STEAP1B: variants seen among roughly 807,000 people sequenced by gnomAD.
The protein encoded by STEAP1B is STEAP family protein MGC87042.
Under a neutral mutation model 27.9 loss-of-function variants are expected in STEAP1B, and 13 were observed. That is an observed-to-expected ratio of 0.47 (90% CI 0.30 to 0.74). The LOEUF (loss-of-function observed/expected upper bound fraction) is 0.74. Among genes scored for constraint, STEAP1B ranks in the 30% least tolerant of loss-of-function variants. The pLI, the probability that STEAP1B is intolerant of heterozygous loss-of-function variation, is 0.06. For synonymous variants in STEAP1B, 86 were observed against 107.1 expected, an observed-to-expected ratio of 0.80 and a Z score of 1.22; for missense variants, 250 against 298.7, an observed-to-expected ratio of 0.84 and a Z score of 1.20.
intron 4 of STEAP1B, among the ~76,000 whole-genome samples, chr7:22,462,435 T>G (rs1033641194): frequency 8.0e-6 from 1 of 124,708 alleles, no homozygotes; most frequent in Non-Finnish European, 1.7e-5. Flanking sequence ...CCTGTGTCCA[T>G]GTGTTCTCAT....
chr7:22,431,278 T>G (rs113652060), intron 4 of STEAP1B, among the ~76,000 whole-genome samples: 7 of 152,334 alleles, frequency 4.6e-5, no homozygotes, highest in African/African-American at 1.7e-4. Context: ...CTCTTCATGT[T>G]TGCAAAATGG....
chr7:22,419,840 G>C lies in STEAP1B; in HGVS notation c.763-4C>G, dbSNP rs917427673. On this transcript the variant is annotated splice_region_variant and splice_polypyrimidine_tract_variant and intron_variant, in intron 4 of 4. Transcript: ENST00000678116. The stretch of plus-strand genomic sequence containing the variant: ...GGAAGTTGATCCTACCATGTACCTG[G>C]AAGGCAGACAGCAAGAAAGAGTTGA... The C allele has an allele frequency of 2.6e-6, 4 of 1,549,708 alleles. No homozygotes were observed. The highest frequency in any genetic ancestry group is 1.7e-6 in the Non-Finnish European group (2 of 1,145,834).
intron 4 of STEAP1B, chr7:22,438,434 C>A: frequency 6.6e-7 from 1 of 1,510,702 alleles, no homozygotes. Context: ...ATGGTCTGGT[C>A]TGCAAGTATG....
intron 4 of STEAP1B, among the ~76,000 whole-genome samples, chr7:22,482,084 T>C (rs1479029871): frequency 6.6e-6 from 1 of 152,212 alleles, no homozygotes; most frequent in East Asian, 1.9e-4. Flanking sequence ...GGTCCTCAGA[T>C]TCCCAGAGTC....
At chr7:22,423,570 T>C (rs574283828) in intron 4 of STEAP1B, among the ~76,000 whole-genome samples, 1 of 152,174 alleles carries the variant, frequency 6.6e-6, no homozygotes, top group African/African-American at 2.4e-5. Flanking sequence ...GGGAAATCCA[T>C]AGAGACAGAA....
At chr7:22,472,797 GC>G (rs2128411242) in intron 4 of STEAP1B, among the ~76,000 whole-genome samples, 2 of 152,228 alleles carry the variant, frequency 1.3e-5, no homozygotes, top group South Asian at 4.1e-4. Flanking sequence ...CCCTGTCATG[GC>G]AGTTGGGAGG....
chr7:22,454,414 G>T (rs1295563153), intron 4 of STEAP1B, among the ~76,000 whole-genome samples: 1 of 152,136 alleles, frequency 6.6e-6, no homozygotes, highest in African/African-American at 2.4e-5. Context: ...CCCTCTGGAA[G>T]TTTCTGGAAA....
intron 4 of STEAP1B, among the ~76,000 whole-genome samples, chr7:22,448,176 G>C (rs1785435512): frequency 6.6e-6 from 1 of 152,140 alleles, no homozygotes; most frequent in African/African-American, 2.4e-5. Context: ...TTTCAGATGA[G>C]ACTTCAAGTT....
chr7:22,455,704 A>T (rs918833317), intron 4 of STEAP1B, among the ~76,000 whole-genome samples: 3 of 152,228 alleles, frequency 2.0e-5, no homozygotes, highest in African/African-American at 7.2e-5. Context: ...GAGGCAGAAG[A>T]TCAAAATACT....
chr7:22,487,815 A>G (rs1430518291), intron 4 of STEAP1B, among the ~76,000 whole-genome samples: 2 of 145,534 alleles, frequency 1.4e-5, no homozygotes, highest in African/African-American at 2.5e-5. Flanking sequence ...AAAAAAAAAA[A>G]AAAAAAAGAA....
intron 4 of STEAP1B, among the ~76,000 whole-genome samples, chr7:22,453,243 G>A (rs1298176211): frequency 6.6e-6 from 1 of 152,168 alleles, no homozygotes; most frequent in Non-Finnish European, 1.5e-5. Flanking sequence ...ACCATCTTTA[G>A]AAAGAAGCCT....
intron 4 of STEAP1B, among the ~76,000 whole-genome samples, chr7:22,439,748 G>A (rs1290179467): frequency 2.6e-5 from 4 of 152,122 alleles, no homozygotes; most frequent in Non-Finnish European, 5.9e-5. Flanking sequence ...AAAGGAAATA[G>A]AAACTATCAT....
chr7:22,435,729 G>A (rs1005476066), intron 4 of STEAP1B, among the ~76,000 whole-genome samples: 2 of 152,292 alleles, frequency 1.3e-5, no homozygotes, highest in African/African-American at 2.4e-5. Context: ...TGCACGATAC[G>A]CACCGTGGGC....
At chr7:22,483,882 T>A (rs772834691) in intron 4 of STEAP1B, among the ~76,000 whole-genome samples, 16 of 152,300 alleles carry the variant, frequency 1.1e-4, no homozygotes, top group Non-Finnish European at 1.3e-4. Context: ...TGTCCCCAGT[T>A]ACAATAGTAA....
chr7:22,463,704 G>A (rs912249805), intron 4 of STEAP1B, among the ~76,000 whole-genome samples: 7 of 152,106 alleles, frequency 4.6e-5, no homozygotes, highest in African/African-American at 1.7e-4. Flanking sequence ...AAGCAATGGG[G>A]AAAGGATTCC....
Position 22,474,794 on chromosome 7 carries a change from G to C in STEAP1B, c.762+17771C>G, listed in dbSNP as rs574025483. Among the ~76,000 whole-genome samples the C allele has an allele frequency of 2.0e-5, 3 of 152,208 alleles. No homozygotes were observed. In the East Asian group the frequency reaches 5.8e-4, roughly 29 times the overall value. On this transcript the variant is annotated intron_variant, in intron 4 of 4. Transcript: ENST00000678116. ...CCTCAACTTGGATAGAGCTCCAATC[G>C]CCTCTCCCTGACAGCTCACCCATGC...
chr7:22,458,983 C>A (rs1785634492), intron 4 of STEAP1B, among the ~76,000 whole-genome samples: 1 of 151,586 alleles, frequency 6.6e-6, no homozygotes, highest in Non-Finnish European at 1.5e-5. Flanking sequence ...AGAATCTGTT[C>A]CTAAAGTCAC....
At chr7:22,489,472 G>A (rs567086195) in intron 4 of STEAP1B, among the ~76,000 whole-genome samples, 28 of 152,120 alleles carry the variant, frequency 1.8e-4, no homozygotes, top group Non-Finnish European at 3.5e-4. Flanking sequence ...ACCTGTGACT[G>A]TGACCTTACT....
intron 4 of STEAP1B, among the ~76,000 whole-genome samples, chr7:22,434,575 T>C (rs1277774020): frequency 6.6e-6 from 1 of 151,756 alleles, no homozygotes; most frequent in Non-Finnish European, 1.5e-5. Context: ...CTAATAGCTA[T>C]AGTTTGCAAT....
Sources: gnomAD v4.1 joint callset for allele counts (sites outside exome capture counted in the v4.1 genomes callset) on GRCh38, gnomAD v4.1.1 for gene constraint, MANE v1.5 for transcripts, NCBI Gene and HGNC (gene_info 2026-07-23, HGNC 2026-07-21) for gene names.